The following ZNF385C variants were observed in gnomAD, a reference collection of about 807,000 sequenced individuals.
ZNF385C encodes the protein CTD-2132N18.2.
In ZNF385C, 28 loss-of-function variants were observed where a neutral mutation model predicts 35.4. That is an observed-to-expected ratio of 0.79 (90% confidence interval 0.59 to 1.08). The LOEUF (loss-of-function observed/expected upper bound fraction) is 1.08. Among genes scored for constraint, ZNF385C ranks in the 50% least tolerant of loss-of-function variants. ZNF385C has a pLI of 0.00. For missense variants in ZNF385C, 605 were observed against 595.6 expected (o/e 1.02, Z -0.16); for synonymous variants, 248 against 248.2 (o/e 1.00, Z 0.01).
At chr17:42,058,890 C>A (rs1172863071) in intron 2 of ZNF385C, among the ~76,000 whole-genome samples, 3 of 152,208 alleles carry the variant, frequency 2.0e-5, no homozygotes, top group African/African-American at 7.2e-5. Context: ...TTCTTGACCT[C>A]AAGTGATCCA....
chr17:42,097,021 G>A (rs1019398340), intron 1 of ZNF385C, among the ~76,000 whole-genome samples: 3 of 148,310 alleles, frequency 2.0e-5, no homozygotes, highest in Non-Finnish European at 4.5e-5. Context: ...TCCCCTGCTC[G>A]CTCTCACTCC....
chr17:42,027,238 T>C (rs2052605324), intron 8 of ZNF385C, 105 bp from the exon 9 acceptor site: 1 of 1,078,274 alleles, frequency 9.3e-7, no homozygotes, highest in African/African-American at 1.6e-5. Context: ...GCGTGCCTTT[T>C]AGAGTTCCAA....
intron 1 of ZNF385C, among the ~76,000 whole-genome samples, chr17:42,071,994 G>A (rs376486345): frequency 7.2e-5 from 11 of 152,268 alleles, no homozygotes; most frequent in African/African-American, 2.6e-4. Context: ...GCCCCTTGCT[G>A]AAGCTGAGAC....
chr17:42,028,606 C>A (rs1598177403), intron 6 of ZNF385C, 177 bp downstream of exon 6: 1 of 800,836 alleles, frequency 1.2e-6, no homozygotes. Context: ...TCCCAATTCT[C>A]CTTCCCCAAG....
intron 1 of ZNF385C, among the ~76,000 whole-genome samples, chr17:42,063,726 C>G (rs1555658212): frequency 6.6e-6 from 1 of 152,148 alleles, no homozygotes. Flanking sequence ...GCAAGGCCAG[C>G]TGAGTCACAT....
intron 2 of ZNF385C, chr17:42,043,135 G>A (rs868950281): frequency 9.7e-6 from 12 of 1,232,244 alleles, no homozygotes; most frequent in Non-Finnish European, 1.2e-5. Flanking sequence ...GGCTCCTGAG[G>A]TCACGTGGCG....
At position 42,026,951 on chromosome 17, in the gene ZNF385C, G is replaced by T. The variant is rs782686726; in HGVS notation, c.1458C>A (p.Thr486=). ...TGGCAGGGCGGACAGCTCCTGCTGGGGTGCGAAACAGAGCTGGGCCCAGGA... is the reference window on the plus strand; with the variant it reads ...TGGCAGGGCGGACAGCTCCTGCTGGTGTGCGAAACAGAGCTGGGCCCAGGA... ...APILGPALFR[T]PAGAVRPATG... Residue 486 remains threonine (T), a synonymous_variant, in exon 9 of 9, where the codon ACC becomes ACA. Coordinates refer to ENST00000692273, the MANE Select transcript of ZNF385C (RefSeq NM_001392013.1). The T allele has an allele frequency of 6.2e-6, 10 of 1,611,364 alleles. No homozygotes were observed. In the South Asian group the frequency reaches 1.1e-4, roughly 18 times the overall value.
In ZNF385C at chr17:42,036,156, G is replaced by A. The variant is rs184615873; in HGVS notation, c.399+1581C>T. On this transcript the variant is annotated intron_variant, in intron 3 of 8. Transcript: ENST00000692273. ...ACTACAGGTGCCCACTACCATGCTC[G>A]GCTAATTTTTGTATTTTTAGTAGAG... is the stretch of plus-strand genomic sequence containing the variant. 1.1e-3 allele frequency among the ~76,000 whole-genome samples: 165 copies of A among 151,850 alleles called. 3 individuals carry two copies. The East Asian group carries it at 0.028, about 26-fold the overall frequency.
At position 42,089,315 on chromosome 17, in the gene ZNF385C, C is replaced by CTAAATAAA. The variant is rs140225933; in HGVS notation, c.-3+9087_-3+9094dup. ...TAGGGGACAGAATAAGACCCTGTCT[C>CTAAATAAA]TAAATAAATAAATAAATAAATAAAT... On this transcript the variant is annotated intron_variant, in intron 1 of 8. Coordinates refer to ENST00000692273, the MANE Select transcript of ZNF385C (RefSeq NM_001392013.1). 6.3e-3 allele frequency among the ~76,000 whole-genome samples: 956 copies of CTAAATAAA among 151,634 alleles called. 6 individuals carry two copies. The highest frequency in any genetic ancestry group is 5.6e-3 in the Non-Finnish European group (380 of 67,914).
intron 5 of ZNF385C, 27 bp from the exon 6 acceptor site, chr17:42,029,100 A>T (rs782798438): frequency 1.4e-4 from 208 of 1,536,536 alleles, no homozygotes; most frequent in Non-Finnish European, 1.8e-4. Flanking sequence ...AGAGTGTGAG[A>T]CCCAAGATGA....
At chr17:42,087,289 T>G (rs2053818974) in intron 1 of ZNF385C, among the ~76,000 whole-genome samples, 1 of 152,242 alleles carries the variant, frequency 6.6e-6, no homozygotes, top group African/African-American at 2.4e-5. Flanking sequence ...TAGGCATATA[T>G]GCACGCTGGG....
intron 1 of ZNF385C, among the ~76,000 whole-genome samples, chr17:42,067,073 A>G (rs1364009576): frequency 6.7e-6 from 1 of 149,924 alleles, no homozygotes; most frequent in Non-Finnish European, 1.5e-5. Flanking sequence ...CGTCTCAGAA[A>G]AAAAAAAAAG....
intron 3 of ZNF385C, among the ~76,000 whole-genome samples, chr17:42,036,057 C>T (rs886712000): frequency 1.5e-4 from 23 of 152,172 alleles, no homozygotes; most frequent in African/African-American, 4.1e-4. Flanking sequence ...AGTGCAATGG[C>T]GGAGCCAAAA....
At chr17:42,072,226 G>T (rs2053635129) in intron 1 of ZNF385C, among the ~76,000 whole-genome samples, 1 of 152,040 alleles carries the variant, frequency 6.6e-6, no homozygotes, top group African/African-American at 2.4e-5. Context: ...GGGTTATCTG[G>T]TCGCGCCCCC....
Position 42,040,592 on chromosome 17 carries a change from C to T in ZNF385C, c.251-2707G>A, listed in dbSNP as rs529808229. ...GCCAGTGACCCCGCCACAGGTGAGGCAAGGGCTGCAGCCTCCAGGGTGGGC... is the reference window on the plus strand; with the variant it reads ...GCCAGTGACCCCGCCACAGGTGAGGTAAGGGCTGCAGCCTCCAGGGTGGGC... On this transcript the variant is annotated intron_variant, in intron 2 of 8. Coordinates refer to ENST00000692273, the MANE Select transcript of ZNF385C (RefSeq NM_001392013.1). 1.2e-4 allele frequency: 142 copies of T among 1,232,548 alleles called. 1 individual carries two copies. In the East Asian group the frequency reaches 4.2e-3, roughly 37 times the overall value. The allele number at this position is 1,232,548 out of a possible 1,614,324, so 76.4% of individuals were successfully genotyped here.
chr17:42,052,438 C>T (rs1490986104), intron 2 of ZNF385C, among the ~76,000 whole-genome samples: 3 of 151,818 alleles, frequency 2.0e-5, no homozygotes, highest in African/African-American at 4.8e-5. Context: ...TACATACCTC[C>T]CCCCACACTT....
intron 2 of ZNF385C, among the ~76,000 whole-genome samples, chr17:42,049,850 AG>A (rs1217684323): frequency 6.6e-6 from 1 of 152,268 alleles, no homozygotes; most frequent in African/African-American, 2.4e-5. Context: ...TAAATTACTT[AG>A]AATTAAATAA....
At chr17:42,094,124 C>T (rs1250365928) in intron 1 of ZNF385C, among the ~76,000 whole-genome samples, 1 of 152,026 alleles carries the variant, frequency 6.6e-6, no homozygotes, top group Admixed American at 6.5e-5. Context: ...GCTGAGATTA[C>T]AGGCATGCGC....
chr17:42,027,405 T>C (rs1231343426), intron 8 of ZNF385C, among the ~76,000 whole-genome samples: 8 of 151,504 alleles, frequency 5.3e-5, no homozygotes, highest in Non-Finnish European at 7.4e-5. Flanking sequence ...CGCCCACCCC[T>C]CACTCTTGCC....
Sources: gnomAD v4.1 joint callset for allele counts (sites outside exome capture counted in the v4.1 genomes callset) on GRCh38, gnomAD v4.1.1 for gene constraint, MANE v1.5 for transcripts, NCBI Gene and HGNC (gene_info 2026-07-23, HGNC 2026-07-21) for gene names.